MACROD2: variants seen among roughly 807,000 people sequenced by gnomAD.
The protein encoded by MACROD2 is ADP-ribose glycohydrolase MACROD2.
In MACROD2, 36 loss-of-function variants were observed where a neutral mutation model predicts 70.4. The ratio of observed to expected loss-of-function variants is 0.51; its 90% CI spans 0.39 to 0.68. MACROD2 has a LOEUF of 0.68. Ranked by LOEUF, MACROD2 falls within the 30% of genes least tolerant of loss-of-function variation. The pLI is 0.00. For missense variants in MACROD2, 496 were observed against 538.4 expected (o/e 0.92, Z 0.78); for synonymous variants, 172 against 178.8 (o/e 0.96, Z 0.30).
intron 2 of MACROD2, among the ~76,000 whole-genome samples, chr20:14,050,330 C>T (rs1440524007): frequency 6.6e-6 from 1 of 152,114 alleles, no homozygotes; most frequent in Non-Finnish European, 1.5e-5. Flanking sequence ...GTGTGTAATA[C>T]ATGAAACACT....
chr20:14,759,657 T>C (rs1174148935), intron 5 of MACROD2, among the ~76,000 whole-genome samples: 1 of 152,050 alleles, frequency 6.6e-6, no homozygotes, highest in African/African-American at 2.4e-5. Context: ...CATCTTAAAA[T>C]AGAAATAAAA....
At chr20:14,756,326 G>C (rs1450369386) in intron 5 of MACROD2, among the ~76,000 whole-genome samples, 1 of 151,906 alleles carries the variant, frequency 6.6e-6, no homozygotes, top group Non-Finnish European at 1.5e-5. Flanking sequence ...AGTATTGTCT[G>C]ACCACTTTTC....
At chr20:15,447,526 T>C (rs568399967) in intron 7 of MACROD2, among the ~76,000 whole-genome samples, 1 of 152,230 alleles carries the variant, frequency 6.6e-6, no homozygotes, top group South Asian at 2.1e-4. Context: ...CCTACCAGGC[T>C]CTCCAGCCCC....
intron 5 of MACROD2, among the ~76,000 whole-genome samples, chr20:14,950,454 C>A (rs1488702956): frequency 2.0e-5 from 3 of 152,090 alleles, no homozygotes; most frequent in Non-Finnish European, 4.4e-5. Context: ...TGGGACTTGG[C>A]AGGACGTAAA....
chr20:15,572,929 A>T (rs2048395148), intron 8 of MACROD2, among the ~76,000 whole-genome samples: 1 of 152,160 alleles, frequency 6.6e-6, no homozygotes, highest in Admixed American at 6.5e-5. Context: ...AAGACATCTT[A>T]TCCACATTAC....
At chr20:14,520,489 ATTAT>A (rs2085154804) in intron 4 of MACROD2, among the ~76,000 whole-genome samples, 4 of 123,302 alleles carry the variant, frequency 3.2e-5, no homozygotes, top group South Asian at 3.0e-4. Flanking sequence ...TTTTTTTGTT[ATTAT>A]TTTTTTTTTT....
intron 4 of MACROD2, among the ~76,000 whole-genome samples, chr20:14,634,320 T>C (rs1444183566): frequency 2.6e-5 from 4 of 152,238 alleles, no homozygotes; most frequent in African/African-American, 7.2e-5. Context: ...GCCTTGTCCA[T>C]TGTTAAATTT....
At chr20:14,400,133 A>C (rs1417736267) in intron 3 of MACROD2, among the ~76,000 whole-genome samples, 3 of 152,128 alleles carry the variant, frequency 2.0e-5, no homozygotes, top group South Asian at 4.1e-4. Context: ...GACATTGTGA[A>C]ATTTATAATA....
intron 8 of MACROD2, among the ~76,000 whole-genome samples, chr20:15,639,412 T>C: frequency 6.6e-6 from 1 of 152,156 alleles, no homozygotes; most frequent in East Asian, 1.9e-4. Flanking sequence ...TCTCTGAAAT[T>C]CGAGGTCATC....
chr20:14,257,283 TA>T (rs1439971114), intron 3 of MACROD2, among the ~76,000 whole-genome samples: 4 of 151,870 alleles, frequency 2.6e-5, no homozygotes, highest in African/African-American at 9.7e-5. Flanking sequence ...ATAATAATAT[TA>T]GATATCATCT....
chr20:15,666,371 C>G (rs1438266431), intron 8 of MACROD2, among the ~76,000 whole-genome samples: 1 of 152,184 alleles, frequency 6.6e-6, no homozygotes, highest in Non-Finnish European at 1.5e-5. Context: ...TTTAGCTCAG[C>G]TTTACCCTTC....
intron 3 of MACROD2, among the ~76,000 whole-genome samples, chr20:14,364,953 G>A (rs1053998108): frequency 7.2e-5 from 11 of 152,144 alleles, no homozygotes; most frequent in African/African-American, 2.4e-4. Flanking sequence ...TGTTCTGTCT[G>A]GCTTTGGTTC....
chr20:13,995,850 G>GGGGGGGGGGGGGGGGGT lies in MACROD2; in HGVS notation c.46+41_46+42insGGGGGGGGGGGGGGGGT. The GGGGGGGGGGGGGGGGGT allele has an allele frequency of 2.0e-6, 1 of 505,096 alleles. No homozygotes were observed. The highest frequency in any genetic ancestry group is 3.8e-6 in the Non-Finnish European group (1 of 266,316). The allele number at this position is 505,096 out of a possible 1,614,324, so 31.3% of individuals were successfully genotyped here. On this transcript the variant is annotated intron_variant, in intron 1 of 17. Coordinates refer to ENST00000684519, the MANE Select transcript of MACROD2 (RefSeq NM_001351661.2). The surrounding 1 kb of genome is among the most constrained non-coding windows in gnomAD (Gnocchi z 4.3). ...AGTCCTGGGGGTGCGGGCGGTGGGG[G>GGGGGGGGGGGGGGGGGT]TTAGGGTGGGGGCGGGGGTCAGGCT...
At chr20:14,560,871 C>T (rs1979388320) in intron 4 of MACROD2, among the ~76,000 whole-genome samples, 1 of 151,612 alleles carries the variant, frequency 6.6e-6, no homozygotes, top group Non-Finnish European at 1.5e-5. Context: ...GCCTTTTTAC[C>T]TCTTAATTTC....
intron 5 of MACROD2, among the ~76,000 whole-genome samples, chr20:15,040,853 C>T (rs1000187395): frequency 1.3e-5 from 2 of 152,180 alleles, no homozygotes; most frequent in Non-Finnish European, 2.9e-5. Flanking sequence ...TTAACATTCT[C>T]ATTCAATTAT....
chr20:15,120,451 G>T (rs1873786707), intron 5 of MACROD2, among the ~76,000 whole-genome samples: 1 of 152,086 alleles, frequency 6.6e-6, no homozygotes, highest in South Asian at 2.1e-4. Flanking sequence ...CCTACTTTAT[G>T]TAATATTTTA....
In MACROD2 at chr20:14,060,168, C is replaced by T. The variant is rs564523009; in HGVS notation, c.164-25453C>T. Among the ~76,000 whole-genome samples the T allele has an allele frequency of 3.8e-4, 58 of 152,140 alleles. 1 individual carries two copies. The highest frequency in any genetic ancestry group is 7.5e-4 in the Non-Finnish European group (51 of 68,020). ...TGAAGTTACTTTCATATAACTCAGT[C>T]CAAAGCTGGTAGCTGGCTATTTTCC... On this transcript the variant is annotated intron_variant, in intron 2 of 17. Transcript: ENST00000684519.
intron 3 of MACROD2, among the ~76,000 whole-genome samples, chr20:14,308,922 A>C (rs575245927): frequency 6.6e-6 from 1 of 152,134 alleles, no homozygotes; most frequent in African/African-American, 2.4e-5. Context: ...CTTAATAACA[A>C]TCTAATGGAA....
chr20:14,032,748 A>T (rs535260761), intron 2 of MACROD2, among the ~76,000 whole-genome samples: 6 of 152,300 alleles, frequency 3.9e-5, no homozygotes, highest in African/African-American at 1.4e-4. Context: ...GACAGGCTAA[A>T]TTCTAGCTCT....
Sources: gnomAD v4.1 joint callset for allele counts (sites outside exome capture counted in the v4.1 genomes callset) on GRCh38, gnomAD v4.1.1 for gene constraint, Gnocchi (gnomAD v3.1) non-coding constraint, MANE v1.5 for transcripts, NCBI Gene and HGNC (gene_info 2026-07-23, HGNC 2026-07-21) for gene names.